Variants in CACNA1C observed in about 807,000 individuals in gnomAD.
CACNA1C encodes calcium voltage-gated channel subunit alpha1 C.
CACNA1C carries 30 observed loss-of-function variants against 229.0 expected under a neutral mutation model. The ratio of observed to expected loss-of-function variants is 0.13; its 90% CI spans 0.10 to 0.18. The LOEUF (loss-of-function observed/expected upper bound fraction) is 0.18. Among genes scored for constraint, CACNA1C ranks in the 10% least tolerant of loss-of-function variants. The pLI is 1.00. For missense variants in CACNA1C, 1,658 were observed against 2,845.0 expected (o/e 0.58, Z 9.49); for synonymous variants, 1,114 against 1,132.5 (o/e 0.98, Z 0.33).
intron 13 of CACNA1C, among the ~76,000 whole-genome samples, chr12:2,570,335 C>T (rs2053674092): frequency 6.6e-6 from 1 of 152,056 alleles, no homozygotes; most frequent in Non-Finnish European, 1.5e-5. Flanking sequence ...TTCTGAGTGT[C>T]CCTAGGTGTT....
intron 1 of CACNA1C, among the ~76,000 whole-genome samples, chr12:1,973,171 AC>A (rs1461427587): frequency 1.3e-5 from 2 of 152,344 alleles, no homozygotes; most frequent in African/African-American, 4.8e-5. Flanking sequence ...CTGAGAGTCT[AC>A]ATAGCACTGT....
At chr12:2,158,964 A>T (rs1403684770) in intron 3 of CACNA1C, among the ~76,000 whole-genome samples, 2 of 152,152 alleles carry the variant, frequency 1.3e-5, no homozygotes, top group Non-Finnish European at 2.9e-5. Flanking sequence ...ATTGCAGAGG[A>T]TAGGGAAGAG....
chr12:2,680,764 G>A (rs962651075), intron 42 of CACNA1C, among the ~76,000 whole-genome samples: 1 of 152,192 alleles, frequency 6.6e-6, no homozygotes, highest in Non-Finnish European at 1.5e-5. Context: ...TGTGTCAGAC[G>A]ACAGGCCAGT....
intron 8 of CACNA1C, among the ~76,000 whole-genome samples, chr12:2,505,327 A>G (rs2099769202): frequency 6.6e-6 from 1 of 152,198 alleles, no homozygotes; most frequent in Non-Finnish European, 1.5e-5. Context: ...ATTTTACTTC[A>G]TAGACTGAGC....
chr12:2,592,515 C>T (rs1219908083), intron 18 of CACNA1C, among the ~76,000 whole-genome samples: 1 of 152,190 alleles, frequency 6.6e-6, no homozygotes, highest in Non-Finnish European at 1.5e-5. Flanking sequence ...CCAGGATGGG[C>T]AGTGCTTCCC....
chr12:2,261,231 CA>C (rs776152609), intron 3 of CACNA1C, among the ~76,000 whole-genome samples: 41 of 120,820 alleles, frequency 3.4e-4, no homozygotes, highest in Admixed American at 1.0e-3. Context: ...GACTCCGTCT[CA>C]AAAAAAAAAA....
intron 3 of CACNA1C, among the ~76,000 whole-genome samples, chr12:2,365,603 C>A (rs909577257): frequency 2.0e-5 from 3 of 152,140 alleles, no homozygotes; most frequent in Non-Finnish European, 4.4e-5. Context: ...AGAAACTTAA[C>A]GAATTTGTTG....
intron 34 of CACNA1C, among the ~76,000 whole-genome samples, chr12:2,661,577 G>GGATC (rs1449928186): frequency 6.6e-6 from 1 of 151,974 alleles, no homozygotes; most frequent in Non-Finnish European, 1.5e-5. Context: ...ATCAAGGAGT[G>GGATC]GATCATTCCA....
intron 3 of CACNA1C, among the ~76,000 whole-genome samples, chr12:2,154,979 C>T (rs892901156): frequency 6.6e-6 from 1 of 152,318 alleles, no homozygotes; most frequent in East Asian, 1.9e-4. Context: ...TCCTGCCGTC[C>T]TAGAGTATAG....
At chr12:2,271,945 C>A (rs1285317563) in intron 3 of CACNA1C, among the ~76,000 whole-genome samples, 11 of 152,130 alleles carry the variant, frequency 7.2e-5, no homozygotes. Context: ...TAATGCATGC[C>A]ATGTGCCATG....
At chr12:2,386,412 C>G (rs183606424) in intron 3 of CACNA1C, among the ~76,000 whole-genome samples, 2 of 152,328 alleles carry the variant, frequency 1.3e-5, no homozygotes, top group African/African-American at 2.4e-5. Flanking sequence ...CCTCTTCCCC[C>G]CAACTTTCTT....
intron 4 of CACNA1C, among the ~76,000 whole-genome samples, chr12:2,452,122 C>T (rs2099384595): frequency 6.6e-6 from 1 of 152,254 alleles, no homozygotes; most frequent in Non-Finnish European, 1.5e-5. Context: ...TCCTGGCCTC[C>T]CACAAAGCTG....
At chr12:2,594,734 T>G (rs1020081390) in intron 19 of CACNA1C, among the ~76,000 whole-genome samples, 1 of 152,258 alleles carries the variant, frequency 6.6e-6, no homozygotes, top group Non-Finnish European at 1.5e-5. Flanking sequence ...GCTTGTCCTT[T>G]TGTGCATCTG....
At chr12:2,266,446 T>C (rs11616036) in intron 3 of CACNA1C, among the ~76,000 whole-genome samples, 7,271 of 152,328 alleles carry the variant, frequency 0.048, 214 homozygotes, top group Middle Eastern at 0.068. Flanking sequence ...CCTCTCGTGC[T>C]CTAGGCACAC....
rs186029495 is a variant in CACNA1C, at chr12:2,641,786, A to C, written c.3913-6689A>C. 1,177 of 702,338 alleles carry C rather than the reference A, an allele frequency of 1.7e-3. 2 individuals are homozygous for C. The highest frequency in any genetic ancestry group is 2.6e-3 in the Non-Finnish European group (983 of 384,946). The allele number at this position is 702,338 out of a possible 1,614,324, so 43.5% of individuals were successfully genotyped here. ...TGAGCCTTTAGCAACGTGACCCCTG[A>C]GTGGGGAGATTACTTTTGTGAGGTC... On this transcript the variant is annotated intron_variant, in intron 30 of 46. Transcript: ENST00000399655.
chr12:2,180,831 T>C lies in CACNA1C; in HGVS notation c.477+60401T>C, dbSNP rs140811479. Among the ~76,000 whole-genome samples, 20 of 152,284 alleles carry C rather than the reference T, an allele frequency of 1.3e-4. 1 individual carries two copies. The East Asian group carries it at 3.9e-3, about 29-fold the overall frequency. On this transcript the variant is annotated intron_variant, in intron 3 of 46. Transcript: ENST00000399655. ...GTCAAATGGTTGTTCAGCAAGTGTT[T>C]GTTGAGTCCCTAGTGTGTGTCTGGC...
At chr12:2,544,299 C>T (rs999068316) in intron 9 of CACNA1C, among the ~76,000 whole-genome samples, 8 of 152,204 alleles carry the variant, frequency 5.3e-5, no homozygotes, top group Non-Finnish European at 1.0e-4. Context: ...TACCAGGCAA[C>T]ATCCAAGGAA....
chr12:2,149,785 G>A (rs942488556), intron 3 of CACNA1C, among the ~76,000 whole-genome samples: 3 of 152,188 alleles, frequency 2.0e-5, no homozygotes, highest in Non-Finnish European at 2.9e-5. Flanking sequence ...GGACCCAGGG[G>A]GGAGCACACC....
Position 2,677,744 on chromosome 12 carries a change from C to T in CACNA1C, c.4968C>T (p.Arg1656=). The T allele has an allele frequency of 6.2e-7, 1 of 1,613,484 alleles. No individual in the cohort carries two copies. The highest frequency in any genetic ancestry group is 8.5e-7 in the Non-Finnish European group (1 of 1,179,740). The change falls in exon 41 of 47, where the codon CGC becomes CGT. Residue 1656 remains arginine (R), a synonymous_variant. Transcript: ENST00000399655. This position sits in a 1 kb window ranked among gnomAD's most constrained non-coding sequence, Gnocchi z 7.4. ...RNALSLQAGL[R]TLHDIGPEIR... The stretch of plus-strand genomic sequence containing the variant: ...CCCTTGGATTCCAGGCTGGCTTGCG[C>T]ACACTGCATGACATCGGGCCTGAGA...
Sources: allele counts gnomAD v4.1 joint callset (sites outside exome capture counted in the v4.1 genomes callset), GRCh38; gene constraint gnomAD v4.1.1; non-coding constraint Gnocchi (gnomAD v3.1); transcripts MANE v1.5; gene names NCBI Gene and HGNC (gene_info 2026-07-23, HGNC 2026-07-21).